The following NKAIN4 variants were observed in gnomAD, a reference collection of about 807,000 sequenced individuals.
NKAIN4 encodes the protein sodium/potassium-transporting ATPase subunit beta-1-interacting protein 4.
A neutral mutation model predicts 28.8 loss-of-function variants in NKAIN4; 28 were observed. The ratio of observed to expected loss-of-function variants is 0.97; its 90% CI spans 0.72 to 1.33. The LOEUF (loss-of-function observed/expected upper bound fraction) is 1.33. Ranked by LOEUF, NKAIN4 falls within the 40% of genes most tolerant of loss-of-function variation. The pLI, the probability that NKAIN4 is intolerant of heterozygous loss-of-function variation, is 0.00. For missense variants in NKAIN4, 289 were observed against 277.2 expected (o/e 1.04, Z -0.30); for synonymous variants, 122 against 115.6 (o/e 1.06, Z -0.36).
chr20:63,254,809 C>A, upstream of NKAIN4: 1 of 204,380 alleles, frequency 4.9e-6, no homozygotes, highest in Non-Finnish European at 9.8e-6. Flanking sequence ...CCCCCTCCTG[C>A]AGGATGACCT....
At chr20:63,249,782 G>A (rs1004861584) in intron 2 of NKAIN4, among the ~76,000 whole-genome samples, 153 bp downstream of exon 2, 9 of 152,150 alleles carry the variant, frequency 5.9e-5, no homozygotes, top group Non-Finnish European at 8.8e-5. Context: ...TAGATGTCCA[G>A]GCAGCAAAGA....
upstream of NKAIN4, chr20:63,254,710 C>G: frequency 2.0e-5 from 5 of 247,398 alleles, no homozygotes; most frequent in Admixed American, 5.6e-5. Context: ...CGCGGCCTCT[C>G]GGGTAGCGAG....
intron 4 of NKAIN4, 76 bp downstream of exon 4, chr20:63,247,502 G>T: frequency 6.5e-7 from 1 of 1,548,890 alleles, no homozygotes; most frequent in Non-Finnish European, 8.7e-7. Context: ...CCCGCCTCAG[G>T]GAGATGAGCC....
chr20:63,254,417 C>T lies in NKAIN4; in HGVS notation c.34G>A (p.Val12Ile). 2 of 1,444,820 alleles carry T rather than the reference C, an allele frequency of 1.4e-6. No individual in the cohort carries two copies. Among genetic ancestry groups the T allele is most frequent in the Non-Finnish European group, 1.8e-6 (2 of 1,099,676 alleles). The allele number at this position is 1,444,820 out of a possible 1,614,324, so 89.5% of individuals were successfully genotyped here. Residue 12 changes from valine (V) to isoleucine (I), a missense_variant, in exon 1 of 7, where the codon GTC (valine) becomes ATC (isoleucine). Physicochemically the swap from Val to Ile is conservative, Grantham distance 29. Coordinates refer to ENST00000370316, the MANE Select transcript of NKAIN4 (RefSeq NM_152864.4). Reference sequence around the variant, plus strand: ...CTCACCAGCTGAAAAGCGCAGAGGACGACGAGCGCGCAGCGGCCGGAGCAG... The same window carrying T: ...CTCACCAGCTGAAAAGCGCAGAGGATGACGAGCGCGCAGCGGCCGGAGCAG... ...GSCSGRCALVVLCAFQLVAAL... is the reference protein window; with the variant it reads ...GSCSGRCALVILCAFQLVAAL...
intron 5 of NKAIN4, 142 bp downstream of exon 5, chr20:63,243,882 A>C: frequency 1.5e-6 from 1 of 672,022 alleles, no homozygotes; most frequent in Non-Finnish European, 2.6e-6. Context: ...GCTCAGGCCT[A>C]CGGCCGTGAG....
intron 6 of NKAIN4, chr20:63,241,814 G>A: frequency 1.8e-6 from 1 of 561,416 alleles, no homozygotes; most frequent in Non-Finnish European, 3.4e-6. Context: ...GGGTCTGCGT[G>A]TGACCCCACC....
chr20:63,252,462 C>CA lies in NKAIN4; in HGVS notation c.54+1934dup, dbSNP rs374712050. On this transcript the variant is annotated intron_variant, in intron 1 of 6. Transcript: ENST00000370316. The surrounding 1 kb of genome is among the most constrained non-coding windows in gnomAD (Gnocchi z 4.6). Reference sequence around the variant, plus strand: ...GGTAACACAAAATTCTCACACTTGTCAAAAAAAAAAAGGGGCTATCCAACA... The same window carrying CA: ...GGTAACACAAAATTCTCACACTTGTCAAAAAAAAAAAAGGGGCTATCCAACA... 1.5e-4 allele frequency among the ~76,000 whole-genome samples: 22 copies of CA among 147,686 alleles called. No individual in the cohort carries two copies. Among genetic ancestry groups the CA allele is most frequent in the Admixed American group, 2.7e-4 (4 of 14,842 alleles).
At chr20:63,251,235 T>C (rs953648677) in intron 1 of NKAIN4, among the ~76,000 whole-genome samples, 3 of 152,038 alleles carry the variant, frequency 2.0e-5, no homozygotes, top group Admixed American at 6.6e-5. Context: ...CTTTCACTAA[T>C]TTGCTGCTGT....
chr20:63,248,682 C>G (rs2066902788), intron 3 of NKAIN4, 133 bp downstream of exon 3: 6 of 665,518 alleles, frequency 9.0e-6, no homozygotes, highest in Non-Finnish European at 1.4e-5. Flanking sequence ...GTTCTGGGTG[C>G]TGGGGACAGA....
At chr20:63,242,410 T>A in intron 6 of NKAIN4, 129 bp downstream of exon 6, 1 of 736,852 alleles carries the variant, frequency 1.4e-6, no homozygotes, top group South Asian at 1.5e-5. Context: ...TGAGAGTGGA[T>A]GGATGGACGG....
intron 4 of NKAIN4, chr20:63,247,205 G>C: frequency 8.6e-7 from 1 of 1,166,810 alleles, no homozygotes; most frequent in South Asian, 1.9e-5. Flanking sequence ...GGGAACAGGC[G>C]GGACACGCAT....
intron 2 of NKAIN4, chr20:63,249,357 A>G (rs1211063841): frequency 9.5e-6 from 2 of 211,358 alleles, no homozygotes; most frequent in Non-Finnish European, 1.9e-5. Context: ...CACACAGCCC[A>G]GCTGCTTTTG....
chr20:63,253,280 C>T (rs2066992904), intron 1 of NKAIN4: 3 of 985,388 alleles, frequency 3.0e-6, no homozygotes, highest in South Asian at 9.4e-5. Flanking sequence ...GTTGCAGGAC[C>T]TCAGGTTATC....
At chr20:63,241,656 C>T (rs1601264182) in intron 6 of NKAIN4, 150 bp from the exon 7 acceptor site, 2 of 743,476 alleles carry the variant, frequency 2.7e-6, no homozygotes, top group East Asian at 2.7e-5. Flanking sequence ...ATGGGTGGGA[C>T]TGAGGCTCTG....
chr20:63,251,813 C>T (rs1234292634), intron 1 of NKAIN4, among the ~76,000 whole-genome samples: 1 of 152,132 alleles, frequency 6.6e-6, no homozygotes, highest in African/African-American at 2.4e-5. Context: ...TATACTGGAA[C>T]ATCTCGTGCC....
intron 6 of NKAIN4, 36 bp downstream of exon 6, chr20:63,242,503 G>A (rs1280908746): frequency 6.7e-7 from 1 of 1,502,284 alleles, no homozygotes; most frequent in East Asian, 2.3e-5. Context: ...GATTGGCCAG[G>A]CTGGCCGCAG....
intron 2 of NKAIN4, among the ~76,000 whole-genome samples, chr20:63,249,430 C>T (rs943151415): frequency 6.6e-6 from 1 of 152,250 alleles, no homozygotes; most frequent in Non-Finnish European, 1.5e-5. Flanking sequence ...CAGGAAAAGT[C>T]AGCTGCAAAC....
chr20:63,253,488 CT>C (rs1192644172), intron 1 of NKAIN4: 16 of 985,592 alleles, frequency 1.6e-5, no homozygotes, highest in Non-Finnish European at 1.9e-5. Context: ...TCTGGCCCTT[CT>C]AGCTTCAAGA....
In NKAIN4 at chr20:63,252,245, C is replaced by T. The variant is rs2123131501; in HGVS notation, c.54+2152G>A. Among the ~76,000 whole-genome samples the T allele has an allele frequency of 6.6e-6, 1 of 152,194 alleles. No individual in the cohort carries two copies. Among genetic ancestry groups the T allele is most frequent in the South Asian group, 2.1e-4 (1 of 4,810 alleles). ...TCATGCCACCATGGAAGCAGGTGAC[C>T]CTGGTGGCCCTGCCAGGACCCAGCC... On this transcript the variant is annotated intron_variant, in intron 1 of 6. Transcript: ENST00000370316. This position sits in a 1 kb window ranked among gnomAD's most constrained non-coding sequence, Gnocchi z 4.6.
Sources: allele counts gnomAD v4.1 joint callset (sites outside exome capture counted in the v4.1 genomes callset), GRCh38; gene constraint gnomAD v4.1.1; non-coding constraint Gnocchi (gnomAD v3.1); transcripts MANE v1.5; gene names NCBI Gene and HGNC (gene_info 2026-07-23, HGNC 2026-07-21).